PARVA: variants seen among roughly 807,000 people sequenced by gnomAD.
The protein encoded by PARVA is parvin alpha, also known as alpha-parvin.
In PARVA, 25 loss-of-function variants were observed where a neutral mutation model predicts 52.6. The ratio of observed to expected loss-of-function variants is 0.48; its 90% CI spans 0.35 to 0.66. The LOEUF (loss-of-function observed/expected upper bound fraction) is 0.66. PARVA is among the 30% of genes least tolerant of loss of function. PARVA has a pLI of 0.01. For missense variants in PARVA, 373 were observed against 450.9 expected, an observed-to-expected ratio of 0.83 and a Z score of 1.56; for synonymous variants, 185 against 179.1, an observed-to-expected ratio of 1.03 and a Z score of -0.26.
intron 1 of PARVA, among the ~76,000 whole-genome samples, chr11:12,405,342 T>A (rs1423067965): frequency 6.6e-6 from 1 of 152,206 alleles, no homozygotes; most frequent in East Asian, 1.9e-4. Context: ...TACATTGTAA[T>A]TATGCTTTCC....
At chr11:12,396,762 T>C (rs557936946) in intron 1 of PARVA, among the ~76,000 whole-genome samples, 1 of 152,222 alleles carries the variant, frequency 6.6e-6, no homozygotes, top group African/African-American at 2.4e-5. Context: ...TAAAACTGTT[T>C]AGGTTTATGG....
intron 5 of PARVA, among the ~76,000 whole-genome samples, chr11:12,501,543 G>A (rs1033478677): frequency 6.6e-6 from 1 of 152,158 alleles, no homozygotes; most frequent in African/African-American, 2.4e-5. Context: ...TTTAAGCGGA[G>A]CAGTTGTACT....
At chr11:12,436,219 G>A (rs575799047) in intron 1 of PARVA, among the ~76,000 whole-genome samples, 37 of 152,214 alleles carry the variant, frequency 2.4e-4, no homozygotes, top group Non-Finnish European at 4.1e-4. Flanking sequence ...GACTTAATTC[G>A]GTAGGATGAT....
At chr11:12,377,513 C>A, upstream of PARVA, 1 of 1,413,768 alleles carries the variant, frequency 7.1e-7, no homozygotes. Flanking sequence ...GAAAGGCGAG[C>A]GTGAGCTGCC....
intron 1 of PARVA, among the ~76,000 whole-genome samples, chr11:12,425,921 A>G (rs775331326): frequency 6.6e-6 from 1 of 152,314 alleles, no homozygotes; most frequent in South Asian, 2.1e-4. Context: ...ATTATAACCT[A>G]TTTGGAGATA....
Position 12,514,055 on chromosome 11 carries a change from T to C in PARVA, c.857T>C (p.Leu286Pro). The change falls in exon 10 of 13, where the codon CTG becomes CCG. Residue 286 changes from leucine (L) to proline (P), a missense_variant. Physicochemically the swap from Leu to Pro is moderately conservative, Grantham distance 98. Coordinates refer to ENST00000334956, the MANE Select transcript of PARVA (RefSeq NM_018222.5). ...AAACTGAACCTGGAGGTCACAGAAC[T>C]GGAAACCCAGGTGGGTGACAGACCC... ...LNKLNLEVTELETQFADGVYL... is the reference protein window; with the variant it reads ...LNKLNLEVTEPETQFADGVYL... The C allele has an allele frequency of 6.2e-7, 1 of 1,613,570 alleles. No individual in the cohort carries two copies. Among genetic ancestry groups the C allele is most frequent in the Non-Finnish European group, 8.5e-7 (1 of 1,179,550 alleles).
At chr11:12,411,392 A>T (rs1939990854) in intron 1 of PARVA, among the ~76,000 whole-genome samples, 1 of 152,220 alleles carries the variant, frequency 6.6e-6, no homozygotes, top group Non-Finnish European at 1.5e-5. Context: ...TACATTTATT[A>T]TAATTAATGA....
intron 1 of PARVA, among the ~76,000 whole-genome samples, chr11:12,384,744 T>A (rs1939546750): frequency 6.8e-6 from 1 of 147,316 alleles, no homozygotes; most frequent in Non-Finnish European, 1.5e-5. Context: ...CCTGGTACAT[T>A]ATTGAGGACC....
At chr11:12,484,379 G>A (rs1941129579) in intron 4 of PARVA, among the ~76,000 whole-genome samples, 1 of 152,138 alleles carries the variant, frequency 6.6e-6, no homozygotes, top group East Asian at 1.9e-4. Context: ...AGAGTCATAA[G>A]CTTCCAGGGC....
At chr11:12,525,052 G>T (rs530655170) in intron 12 of PARVA, among the ~76,000 whole-genome samples, 25 of 152,306 alleles carry the variant, frequency 1.6e-4, no homozygotes, top group African/African-American at 6.0e-4. Flanking sequence ...TAACAGCATA[G>T]GCGGAGGCCA....
At chr11:12,468,047 G>A (rs1016571049) in intron 1 of PARVA, among the ~76,000 whole-genome samples, 1 of 152,096 alleles carries the variant, frequency 6.6e-6, no homozygotes, top group Non-Finnish European at 1.5e-5. Context: ...ACCTGTGTTG[G>A]TTGAAAATTT....
intron 1 of PARVA, among the ~76,000 whole-genome samples, chr11:12,458,157 C>T (rs548246105): frequency 9.2e-5 from 14 of 152,330 alleles, no homozygotes; most frequent in South Asian, 8.3e-4. Flanking sequence ...GCTGTGATCA[C>T]GATTGTATTA....
At chr11:12,443,418 C>G (rs1323691558) in intron 1 of PARVA, among the ~76,000 whole-genome samples, 2 of 151,958 alleles carry the variant, frequency 1.3e-5, no homozygotes, top group African/African-American at 4.8e-5. Context: ...GATCCGCCCA[C>G]CTTGGCCTCC....
chr11:12,456,959 G>A (rs1234930458), intron 1 of PARVA, among the ~76,000 whole-genome samples: 2 of 152,112 alleles, frequency 1.3e-5, no homozygotes, highest in African/African-American at 2.4e-5. Context: ...TGCTCACATG[G>A]GTAAAATGTT....
intron 1 of PARVA, among the ~76,000 whole-genome samples, chr11:12,451,037 C>G (rs1301107621): frequency 6.6e-6 from 1 of 152,216 alleles, no homozygotes; most frequent in Admixed American, 6.5e-5. Context: ...TCAGTCCAAT[C>G]AAGTTGATAC....
intron 1 of PARVA, among the ~76,000 whole-genome samples, chr11:12,382,502 C>G (rs1181825562): frequency 6.6e-6 from 1 of 151,490 alleles, no homozygotes. Context: ...ATAAGTGGAC[C>G]CTCGCAGTTC....
At chr11:12,378,034 C>T (rs1939428646) in intron 1 of PARVA, among the ~76,000 whole-genome samples, 2 of 149,528 alleles carry the variant, frequency 1.3e-5, no homozygotes, top group African/African-American at 4.9e-5. Context: ...CCCTCCTGGG[C>T]CGGGGACCAG....
Position 12,473,730 on chromosome 11 carries a change from T to C in PARVA, c.137-15T>C. Reference sequence around the variant, plus strand: ...CGTCAGCTGAAATGTGACCCTGCTCTTCCTTTTCTTCCAGTGTCCGAGCTG... The same window carrying C: ...CGTCAGCTGAAATGTGACCCTGCTCCTCCTTTTCTTCCAGTGTCCGAGCTG... On this transcript the variant is annotated splice_polypyrimidine_tract_variant and intron_variant, in intron 1 of 12. Coordinates refer to ENST00000334956, the MANE Select transcript of PARVA (RefSeq NM_018222.5). The C allele has an allele frequency of 6.5e-7, 1 of 1,549,896 alleles. No homozygotes were observed. Among genetic ancestry groups the C allele is most frequent in the Non-Finnish European group, 8.7e-7 (1 of 1,143,998 alleles).
intron 1 of PARVA, among the ~76,000 whole-genome samples, chr11:12,467,335 A>G (rs74517105): frequency 0.033 from 5,070 of 152,170 alleles, 303 homozygotes; most frequent in African/African-American, 0.11. Flanking sequence ...AACAAAGACA[A>G]TTTCTTCCTT....
Sources: allele counts gnomAD v4.1 joint callset (sites outside exome capture counted in the v4.1 genomes callset), GRCh38; gene constraint gnomAD v4.1.1; transcripts MANE v1.5; gene names NCBI Gene and HGNC (gene_info 2026-07-23, HGNC 2026-07-21).